RASSF6: variants seen among roughly 807,000 people sequenced by gnomAD.
RASSF6 encodes Ras association domain family member 6, also known as ras association domain-containing protein 6.
In RASSF6, 52 loss-of-function variants were observed where a neutral mutation model predicts 44.0. The ratio of observed to expected loss-of-function variants is 1.18; its 90% CI spans 0.95 to 1.49. RASSF6 has a LOEUF of 1.49. Among genes scored for constraint, RASSF6 ranks in the 40% most tolerant of loss-of-function variants. The probability of loss-of-function intolerance (pLI) is 0.00; values close to 1 mark genes in which losing one functional copy is unlikely to be tolerated. For synonymous variants in RASSF6, 162 were observed against 124.6 expected, an observed-to-expected ratio of 1.30 and a Z score of -2.00; for missense variants, 464 against 393.3, an observed-to-expected ratio of 1.18 and a Z score of -1.52.
chr4:73,613,225 AT>A (rs1407673745), intron 1 of RASSF6, among the ~76,000 whole-genome samples: 7 of 152,184 alleles, frequency 4.6e-5, no homozygotes, highest in African/African-American at 1.7e-4. Flanking sequence ...GGCAGGTCTC[AT>A]GCAGGACACC....
chr4:73,583,205 T>A (rs1285379591), intron 6 of RASSF6, among the ~76,000 whole-genome samples: 3 of 152,152 alleles, frequency 2.0e-5, no homozygotes, highest in African/African-American at 7.2e-5. Flanking sequence ...TCATTTAACA[T>A]CTTTATTGAC....
rs1222545427 is a variant in RASSF6, at chr4:73,574,412, T to A, written c.*1823A>T. 6.6e-6 allele frequency: 1 copy of A among 152,388 alleles called. No individual in the cohort carries two copies. Among genetic ancestry groups the A allele is most frequent in the Non-Finnish European group, 1.5e-5 (1 of 68,208 alleles). The allele number at this position is 152,388 out of a possible 1,614,324, so 9.4% of individuals were successfully genotyped here. Reference sequence around the variant, plus strand: ...TGGTCCACACCTAGGGGGTTGGCTGTACCAGCTTGTCCAGTATCTGTGGTC... The same window carrying A: ...TGGTCCACACCTAGGGGGTTGGCTGAACCAGCTTGTCCAGTATCTGTGGTC... On this transcript the variant is annotated 3_prime_UTR_variant, in exon 11 of 11. Coordinates refer to ENST00000307439, the MANE Select transcript of RASSF6 (RefSeq NM_177532.5).
intron 2 of RASSF6, among the ~76,000 whole-genome samples, chr4:73,610,077 C>T (rs68145475): frequency 0.19 from 29,205 of 152,078 alleles, 3,552 homozygotes; most frequent in Admixed American, 0.36. Flanking sequence ...AACTGAATTC[C>T]GGATCCTCAA....
At chr4:73,601,410 T>C (rs1429197043) in intron 2 of RASSF6, among the ~76,000 whole-genome samples, 1 of 152,244 alleles carries the variant, frequency 6.6e-6, no homozygotes, top group African/African-American at 2.4e-5. Context: ...ATCTGGCTCT[T>C]CGCAGAGAAA....
chr4:73,610,728 C>A (rs956537383), intron 2 of RASSF6, among the ~76,000 whole-genome samples: 1 of 152,198 alleles, frequency 6.6e-6, no homozygotes, highest in African/African-American at 2.4e-5. Context: ...GCAATCAGAA[C>A]CCTTTCCGCT....
Position 73,585,195 on chromosome 4 carries a change from G to C in RASSF6, c.552C>G (p.His184Gln). ...RQKNRASING[H>Q]FYNHETSIFI... ...ACTCACTTACTTCATGGTTATAGAA[G>C]TGTCCATTAATAGAGGCTCTATTTT... is the stretch of plus-strand genomic sequence containing the variant. The change falls in exon 6 of 11, where the codon CAC (histidine) becomes CAG (glutamine). Residue 184 changes from histidine to glutamine, a missense_variant. His to Gln is a conservative substitution (Grantham distance 24). Transcript: ENST00000307439. 1 of 1,602,648 alleles carries C rather than the reference G, an allele frequency of 6.2e-7. No homozygotes were observed. The highest frequency in any genetic ancestry group is 8.5e-7 in the Non-Finnish European group (1 of 1,175,410).
chr4:73,615,116 T>A (rs1006011172), intron 1 of RASSF6, among the ~76,000 whole-genome samples: 2 of 134,822 alleles, frequency 1.5e-5, no homozygotes, highest in Non-Finnish European at 3.1e-5. Context: ...GAGATGGAGG[T>A]TGCAGTGAGC....
At chr4:73,604,817 G>A (rs1229978478) in intron 2 of RASSF6, among the ~76,000 whole-genome samples, 1 of 151,576 alleles carries the variant, frequency 6.6e-6, no homozygotes, top group Non-Finnish European at 1.5e-5. Flanking sequence ...ATTATTTGCT[G>A]GGAATTAAGG....
intron 5 of RASSF6, among the ~76,000 whole-genome samples, chr4:73,586,748 G>T (rs944694656): frequency 2.0e-5 from 3 of 151,486 alleles, no homozygotes; most frequent in Non-Finnish European, 4.4e-5. Flanking sequence ...ATTTCCTTGG[G>T]TTTCATATAT....
In RASSF6 at chr4:73,620,385, A is replaced by G. The variant is rs1006783937; in HGVS notation, c.-132T>C. On this transcript the variant is annotated 5_prime_UTR_variant, in exon 1 of 11. Transcript: ENST00000307439. ...TCTCGGCTGGGTCAGGAACTCTGGT[A>G]GAGGGAAACCAGTGCCCTGTCTCTG... 4.6e-6 allele frequency: 7 copies of G among 1,530,254 alleles called. No individual in the cohort carries two copies. Among genetic ancestry groups the G allele is most frequent in the Non-Finnish European group, 6.1e-6 (7 of 1,139,358 alleles). 94.8% of individuals were successfully genotyped at this position (1,530,254 alleles called of 1,614,324 possible). A position where few individuals can be genotyped will look rare whatever the true frequency, so the allele number is the denominator to read the frequency against.
rs1161897940 is a variant in RASSF6 at position 73,576,312 on chromosome 4, T to C, written c.939-2A>G. 2.0e-6 allele frequency: 3 copies of C among 1,534,148 alleles called. No homozygotes were observed. The highest frequency in any genetic ancestry group is 2.7e-6 in the Non-Finnish European group (3 of 1,115,596). On this transcript the variant is annotated splice_acceptor_variant, in intron 10 of 10. Transcript: ENST00000307439. LOFTEE classifies it high-confidence loss of function. ...ATAATCGCCTTTTCTTTATTGAATC[T>C]GAAAATGAGAAGAAGAAAGACTATT... is the stretch of plus-strand genomic sequence containing the variant.
chr4:73,576,245 GTC>G lies in RASSF6; in HGVS notation c.1002_1003del (p.Glu334AspfsTer27), dbSNP rs770668730. On this transcript the variant is annotated frameshift_variant, in exon 11 of 11. Coordinates refer to ENST00000307439, the MANE Select transcript of RASSF6 (RefSeq NM_177532.5). LOFTEE classifies it high-confidence loss of function. ...TAGAAGCTTGTACTGCTAAACTGTT[GTC>G]TCTGTTTTTATTACTAGTTTATTTT... The G allele has an allele frequency of 3.6e-5, 56 of 1,545,428 alleles. No homozygotes were observed. Among genetic ancestry groups the G allele is most frequent in the Admixed American group, 1.2e-4 (7 of 57,910 alleles).
At chr4:73,607,832 C>T (rs963321504) in intron 2 of RASSF6, among the ~76,000 whole-genome samples, 33 of 151,398 alleles carry the variant, frequency 2.2e-4, no homozygotes, top group African/African-American at 7.5e-4. Flanking sequence ...CCTCTCCTCT[C>T]CTCTCCCCTC....
chr4:73,578,321 G>T (rs963942935), intron 8 of RASSF6, among the ~76,000 whole-genome samples: 3 of 152,126 alleles, frequency 2.0e-5, no homozygotes, highest in African/African-American at 7.2e-5. Flanking sequence ...AAGTCTTGGA[G>T]AACACCAAAG....
chr4:73,598,064 A>G (rs1276736451), intron 3 of RASSF6, among the ~76,000 whole-genome samples: 1 of 152,184 alleles, frequency 6.6e-6, no homozygotes, highest in African/African-American at 2.4e-5. Flanking sequence ...ACAAACCACC[A>G]TGACACATGT....
rs200963327 is a variant in RASSF6, at chr4:73,585,292, C to T, written c.455G>A (p.Arg152Lys). ...CACCAGAGCTGCTTCACTCATGGTTCTATAGAGCACTGGGGAGTCTGGTTC... is the reference window on the plus strand; with the variant it reads ...CACCAGAGCTGCTTCACTCATGGTTTTATAGAGCACTGGGGAGTCTGGTTC... ...KDEPDSPVLYRTMSEAALVRK... is the reference protein window; with the variant it reads ...KDEPDSPVLYKTMSEAALVRK... Residue 152 changes from arginine (R) to lysine (K), a missense_variant, in exon 6 of 11, where the codon AGA becomes AAA. By Grantham distance (26) the Arg-to-Lys change is conservative. Transcript: ENST00000307439. 1.4e-5 allele frequency: 23 copies of T among 1,612,642 alleles called. No homozygotes were observed. The African/African-American group carries it at 2.9e-4, about 21-fold the overall frequency.
chr4:73,620,124 T>C (rs1185123995), intron 1 of RASSF6, among the ~76,000 whole-genome samples, 164 bp downstream of exon 1: 1 of 151,964 alleles, frequency 6.6e-6, no homozygotes, highest in Non-Finnish European at 1.5e-5. Context: ...TAGGAAAGCA[T>C]ATTCTGAGAA....
At chr4:73,577,296 T>C (rs9995788) in intron 8 of RASSF6, among the ~76,000 whole-genome samples, 7,296 of 152,206 alleles carry the variant, frequency 0.048, 586 homozygotes, top group African/African-American at 0.17. Flanking sequence ...AAAGAAAATA[T>C]CTTCCAATCT....
intron 1 of RASSF6, among the ~76,000 whole-genome samples, chr4:73,616,520 A>G (rs1382798256): frequency 6.6e-6 from 1 of 152,236 alleles, no homozygotes; most frequent in Non-Finnish European, 1.5e-5. Flanking sequence ...AATATTGAAT[A>G]CATCCAACAT....
Sources: gnomAD v4.1 joint callset for allele counts (sites outside exome capture counted in the v4.1 genomes callset) on GRCh38, gnomAD v4.1.1 for gene constraint, MANE v1.5 for transcripts, NCBI Gene and HGNC (gene_info 2026-07-23, HGNC 2026-07-21) for gene names.